The following GULP1 variants were observed in gnomAD, a reference collection of about 807,000 sequenced individuals.
GULP1 encodes GULP PTB domain containing engulfment adaptor 1, also known as PTB domain-containing engulfment adapter protein 1.
GULP1 carries 19 observed loss-of-function variants against 40.9 expected under a neutral mutation model. That is an observed-to-expected ratio of 0.46 (90% CI 0.32 to 0.68). GULP1 has a LOEUF of 0.68. Among genes scored for constraint, GULP1 ranks in the 30% least tolerant of loss-of-function variants. The pLI, the probability that GULP1 is intolerant of heterozygous loss-of-function variation, is 0.03. For missense variants in GULP1, 312 were observed against 362.2 expected (o/e 0.86, Z 1.12); for synonymous variants, 119 against 117.6 (o/e 1.01, Z -0.08).
chr2:188,313,082 T>C (rs2038455711), intron 1 of GULP1, among the ~76,000 whole-genome samples: 1 of 152,194 alleles, frequency 6.6e-6, no homozygotes, highest in Non-Finnish European at 1.5e-5. Context: ...CTGTTCACGC[T>C]GATGATAGTT....
intron 9 of GULP1, among the ~76,000 whole-genome samples, chr2:188,573,945 C>A (rs535018504): frequency 6.6e-6 from 1 of 152,114 alleles, no homozygotes; most frequent in East Asian, 1.9e-4. Flanking sequence ...TTTTTCAAGT[C>A]ACAGAAAGGT....
chr2:188,522,803 G>A lies in GULP1; in HGVS notation c.138G>A (p.Val46=), dbSNP rs538594295. The change falls in exon 5 of 12, where the codon GTG becomes GTA. Residue 46 remains valine, a synonymous_variant. Transcript: ENST00000409830. ...AACAGCCAAAAGGAACAGAAGTTGT[G>A]AGAGATGCTGTAAGGAAACTAAAGG... The part of the protein sequence containing the change: ...EVEQPKGTEV[V]RDAVRKLKFA... 1.9e-5 allele frequency: 30 copies of A among 1,610,008 alleles called. No individual in the cohort carries two copies. In the East Asian group the frequency reaches 6.7e-4, roughly 36 times the overall value.
intron 5 of GULP1, among the ~76,000 whole-genome samples, chr2:188,524,061 G>A (rs1685509123): frequency 6.6e-6 from 1 of 152,108 alleles, no homozygotes; most frequent in Admixed American, 6.5e-5. Context: ...CATTAGAATA[G>A]GATTCTATTT....
chr2:188,557,569 G>A (rs1695100465), intron 7 of GULP1, among the ~76,000 whole-genome samples: 1 of 152,216 alleles, frequency 6.6e-6, no homozygotes, highest in Non-Finnish European at 1.5e-5. Context: ...CTGTGGCTTT[G>A]CCATTAAGGT....
intron 1 of GULP1, among the ~76,000 whole-genome samples, chr2:188,348,711 C>T (rs891459953): frequency 6.6e-6 from 1 of 152,146 alleles, no homozygotes; most frequent in African/African-American, 2.4e-5. Context: ...AAGTCCCATA[C>T]ACTCATCACC....
intron 4 of GULP1, among the ~76,000 whole-genome samples, chr2:188,504,038 A>G (rs1242660469): frequency 6.6e-6 from 1 of 151,862 alleles, no homozygotes; most frequent in Non-Finnish European, 1.5e-5. Context: ...TTCCCTGATA[A>G]TTACCATTCC....
At chr2:188,347,768 C>A (rs2043889383) in intron 1 of GULP1, among the ~76,000 whole-genome samples, 1 of 152,142 alleles carries the variant, frequency 6.6e-6, no homozygotes, top group Non-Finnish European at 1.5e-5. Flanking sequence ...CACATGCCAC[C>A]ACGCCCAACT....
At chr2:188,420,500 C>T (rs1358098226) in intron 2 of GULP1, among the ~76,000 whole-genome samples, 1 of 152,172 alleles carries the variant, frequency 6.6e-6, no homozygotes, top group South Asian at 2.1e-4. Flanking sequence ...GCTCAGCGAG[C>T]AGGAGCATTA....
chr2:188,347,534 T>A (rs992738649), intron 1 of GULP1, among the ~76,000 whole-genome samples: 2 of 152,110 alleles, frequency 1.3e-5, no homozygotes, highest in African/African-American at 4.8e-5. Flanking sequence ...TAACTATATA[T>A]TAAGTCAGCT....
intron 9 of GULP1, among the ~76,000 whole-genome samples, chr2:188,573,816 T>C (rs1476428927): frequency 6.6e-6 from 1 of 152,186 alleles, no homozygotes; most frequent in South Asian, 2.1e-4. Context: ...TAGGTGGGTA[T>C]GGTGTATGCA....
chr2:188,471,377 A>G (rs1034509736), intron 2 of GULP1, among the ~76,000 whole-genome samples: 1 of 151,522 alleles, frequency 6.6e-6, no homozygotes, highest in African/African-American at 2.4e-5. Flanking sequence ...GGTATTATTG[A>G]TGACTAAGGA....
At chr2:188,509,178 C>T (rs895026932) in intron 4 of GULP1, among the ~76,000 whole-genome samples, 4 of 152,074 alleles carry the variant, frequency 2.6e-5, no homozygotes, top group Non-Finnish European at 5.9e-5. Context: ...AAAAGAAGCT[C>T]TACTCTGGTG....
rs2043186821 is a variant in GULP1, at chr2:188,343,174, A to T, written c.-171-40589A>T. 3.9e-5 allele frequency among the ~76,000 whole-genome samples: 6 copies of T among 152,290 alleles called. No individual in the cohort carries two copies. The South Asian group carries it at 1.2e-3, about 32-fold the overall frequency. On this transcript the variant is annotated intron_variant, in intron 1 of 11. Transcript: ENST00000409830. ...TTCCTCTACAGAGTGGAATAGGAAA[A>T]AAAAAACATAGAATAAAATGCATGG...
At chr2:188,414,222 A>AG (rs2054280386) in intron 2 of GULP1, among the ~76,000 whole-genome samples, 1 of 146,684 alleles carries the variant, frequency 6.8e-6, no homozygotes, top group South Asian at 2.2e-4. Flanking sequence ...ATCTCAAAAA[A>AG]AAAAAAAAAA....
intron 5 of GULP1, among the ~76,000 whole-genome samples, chr2:188,527,335 A>G (rs1377875510): frequency 1.3e-5 from 2 of 152,170 alleles, no homozygotes; most frequent in Admixed American, 6.5e-5. Context: ...CTAGGAAACC[A>G]GCTGAGAATG....
chr2:188,591,155 GACC>G (rs1703480752), intron 11 of GULP1: 1 of 151,924 alleles, frequency 6.6e-6, no homozygotes, highest in Non-Finnish European at 1.5e-5. Flanking sequence ...CACAAAAGAA[GACC>G]ACAAGTGGCT....
In GULP1 at chr2:188,486,969, G is replaced by T. The variant is rs2061916376; in HGVS notation, c.90+3477G>T. ...TTCAAGCTGAGTAGGAGCTAGAGGA[G>T]AAGAGTACTGAGAATTTGGATGTAT... On this transcript the variant is annotated intron_variant, in intron 4 of 11. Coordinates refer to ENST00000409830, the MANE Select transcript of GULP1 (RefSeq NM_016315.4). Among the ~76,000 whole-genome samples, 2 of 151,930 alleles carry T rather than the reference G, an allele frequency of 1.3e-5. 1 individual carries two copies. The highest frequency in any genetic ancestry group is 4.1e-4 in the South Asian group (2 of 4,830).
At chr2:188,518,080 G>A (rs749638225) in intron 4 of GULP1, among the ~76,000 whole-genome samples, 1 of 151,990 alleles carries the variant, frequency 6.6e-6, no homozygotes, top group Non-Finnish European at 1.5e-5. Flanking sequence ...GCCTTTTGAT[G>A]GCACTTAGGA....
intron 7 of GULP1, among the ~76,000 whole-genome samples, chr2:188,557,309 A>G (rs1695018621): frequency 1.3e-5 from 2 of 152,192 alleles, no homozygotes; most frequent in Non-Finnish European, 2.9e-5. Context: ...CACTTATGAG[A>G]CTGCAAAATC....
Sources: allele counts gnomAD v4.1 joint callset (sites outside exome capture counted in the v4.1 genomes callset), GRCh38; gene constraint gnomAD v4.1.1; transcripts MANE v1.5; gene names NCBI Gene and HGNC (gene_info 2026-07-23, HGNC 2026-07-21).